TANC1: variants seen among roughly 807,000 people sequenced by gnomAD.
The protein encoded by TANC1 is tetratricopeptide repeat, ankyrin repeat and coiled-coil containing 1, also known as protein TANC1.
A neutral mutation model predicts 149.7 loss-of-function variants in TANC1; 77 were observed. The observed-to-expected ratio is 0.51, with a 90% confidence interval of 0.43 to 0.62. The LOEUF is 0.62. Ranked by LOEUF, TANC1 falls within the 20% of genes least tolerant of loss-of-function variation. The probability of loss-of-function intolerance (pLI) is 0.00; values close to 1 mark genes in which losing one functional copy is unlikely to be tolerated. For synonymous variants in TANC1, 854 were observed against 925.0 expected (o/e 0.92, Z 1.39); for missense variants, 1,985 against 2,321.8 (o/e 0.85, Z 2.98).
At chr2:159,089,254 G>C (rs1574581571) in intron 3 of TANC1, among the ~76,000 whole-genome samples, 1 of 152,180 alleles carries the variant, frequency 6.6e-6, no homozygotes, top group African/African-American at 2.4e-5. Context: ...TCCTTTTCTG[G>C]CAGTCTCTTC....
intron 7 of TANC1, among the ~76,000 whole-genome samples, chr2:159,163,007 TA>T (rs2054199222): frequency 6.6e-6 from 1 of 152,264 alleles, no homozygotes; most frequent in East Asian, 1.9e-4. Flanking sequence ...ATTTTACTCT[TA>T]ACTCTGATAC....
chr2:159,146,987 G>C (rs2052195464), intron 5 of TANC1, among the ~76,000 whole-genome samples: 1 of 152,146 alleles, frequency 6.6e-6, no homozygotes, highest in Non-Finnish European at 1.5e-5. Context: ...TGCAGACACA[G>C]TGTGGAGGCA....
intron 4 of TANC1, among the ~76,000 whole-genome samples, chr2:159,101,033 T>C (rs264637): frequency 0.96 from 146,887 of 152,266 alleles, 70,942 homozygotes; most frequent in East Asian, 1. Flanking sequence ...CCTTCCACGC[T>C]GGCCCCACAG....
At chr2:159,121,390 A>G (rs897342976) in intron 4 of TANC1, among the ~76,000 whole-genome samples, 30 of 151,782 alleles carry the variant, frequency 2.0e-4, no homozygotes, top group African/African-American at 7.0e-4. Context: ...CTGGAGTGCA[A>G]TGGTGCAATC....
At position 159,207,697 on chromosome 2, in the gene TANC1, C is replaced by CAAAAAAAAAAAAAAAAAAAAAA. The variant is rs10603858; in HGVS notation, c.3244+8653_3244+8674dup. ...CTGGGCGACTGAGCAACACGTGTCTCAAAAAAAAAAAAAAAAAAAAAAAAA... is the reference window on the plus strand; with the variant it reads ...CTGGGCGACTGAGCAACACGTGTCTCAAAAAAAAAAAAAAAAAAAAAAAAAAAAAAAAAAAAAAAAAAAAAAA... On this transcript the variant is annotated intron_variant, in intron 19 of 26. Transcript: ENST00000263635. Among the ~76,000 whole-genome samples the CAAAAAAAAAAAAAAAAAAAAAA allele has an allele frequency of 7.1e-4, 35 of 49,432 alleles. 1 individual carries two copies. Among genetic ancestry groups the CAAAAAAAAAAAAAAAAAAAAAA allele is most frequent in the Non-Finnish European group, 9.3e-4 (31 of 33,188 alleles). 32.4% of individuals were successfully genotyped at this position (49,432 alleles called of 152,430 possible). A position where few individuals can be genotyped will look rare whatever the true frequency, so the allele number is the denominator to read the frequency against.
At chr2:159,112,519 G>A (rs1024194236) in intron 4 of TANC1, among the ~76,000 whole-genome samples, 1 of 150,374 alleles carries the variant, frequency 6.7e-6, no homozygotes, top group African/African-American at 2.4e-5. Flanking sequence ...GCCTCACAAA[G>A]TGCTGAGATT....
chr2:159,077,499 C>G (rs900802901), intron 3 of TANC1, among the ~76,000 whole-genome samples: 1 of 152,198 alleles, frequency 6.6e-6, no homozygotes, highest in African/African-American at 2.4e-5. Context: ...AAGATATTTT[C>G]TGTGCTTCTG....
intron 3 of TANC1, among the ~76,000 whole-genome samples, chr2:159,078,674 T>G (rs559195861): frequency 6.6e-6 from 1 of 152,298 alleles, no homozygotes; most frequent in Admixed American, 6.5e-5. Flanking sequence ...CTCCATCCAT[T>G]AAATTGTTAC....
intron 3 of TANC1, among the ~76,000 whole-genome samples, chr2:159,080,648 T>G (rs996957443): frequency 1.3e-5 from 2 of 152,206 alleles, no homozygotes; most frequent in Non-Finnish European, 2.9e-5. Flanking sequence ...GATAGACTGG[T>G]TCCCCAAAGG....
chr2:159,067,217 C>T (rs541059958), intron 3 of TANC1, among the ~76,000 whole-genome samples: 203 of 152,266 alleles, frequency 1.3e-3, no homozygotes, highest in African/African-American at 4.2e-3. Context: ...GGATTTCTAA[C>T]GTTTTTGGTT....
At chr2:159,083,034 C>A (rs981835937) in intron 3 of TANC1, among the ~76,000 whole-genome samples, 1 of 152,182 alleles carries the variant, frequency 6.6e-6, no homozygotes, top group African/African-American at 2.4e-5. Context: ...CAACCTCCAC[C>A]ACCTGGGTTC....
At chr2:159,085,795 A>G (rs977149317) in intron 3 of TANC1, among the ~76,000 whole-genome samples, 1 of 152,134 alleles carries the variant, frequency 6.6e-6, no homozygotes, top group Non-Finnish European at 1.5e-5. Context: ...CCCGTGACCC[A>G]ACACCTCTCA....
chr2:159,181,259 CA>C (rs1009497012), intron 14 of TANC1, among the ~76,000 whole-genome samples: 1 of 151,354 alleles, frequency 6.6e-6, no homozygotes, highest in Non-Finnish European at 1.5e-5. Flanking sequence ...TCCTAGGAGG[CA>C]AATTATTATG....
At chr2:159,215,332 G>A (rs898002308) in intron 19 of TANC1, among the ~76,000 whole-genome samples, 1 of 152,206 alleles carries the variant, frequency 6.6e-6, no homozygotes, top group African/African-American at 2.4e-5. Flanking sequence ...ATGGCCCTAA[G>A]GACAGTCGGT....
At chr2:159,193,459 A>G (rs13392364) in intron 16 of TANC1, among the ~76,000 whole-genome samples, 36,962 of 152,108 alleles carry the variant, frequency 0.24, 4,733 homozygotes, top group Middle Eastern at 0.31. Context: ...CCTGCTTTCA[A>G]TTCTTTTGAA....
At chr2:159,029,410 T>C (rs2039605958) in intron 2 of TANC1, among the ~76,000 whole-genome samples, 1 of 152,188 alleles carries the variant, frequency 6.6e-6, no homozygotes, top group Non-Finnish European at 1.5e-5. Flanking sequence ...TAAAGGTTTG[T>C]AATATGGAAC....
intron 18 of TANC1, 147 bp from the exon 19 acceptor site, chr2:159,198,828 T>G (rs972369466): frequency 8.9e-6 from 5 of 559,334 alleles, no homozygotes; most frequent in East Asian, 3.0e-5. Context: ...TGAATTATGC[T>G]TGAAAACAGT....
intron 4 of TANC1, among the ~76,000 whole-genome samples, chr2:159,133,414 G>A (rs1021822347): frequency 6.6e-6 from 1 of 150,900 alleles, no homozygotes; most frequent in Admixed American, 6.6e-5. Context: ...GAGCACAGTG[G>A]TGCAATCACG....
intron 18 of TANC1, among the ~76,000 whole-genome samples, chr2:159,198,533 T>G (rs1401880436): frequency 6.6e-6 from 1 of 152,244 alleles, no homozygotes; most frequent in Non-Finnish European, 1.5e-5. Context: ...GGAAAAAGAA[T>G]AATGCTACCA....
Sources: allele counts gnomAD v4.1 joint callset (sites outside exome capture counted in the v4.1 genomes callset), GRCh38; gene constraint gnomAD v4.1.1; transcripts MANE v1.5; gene names NCBI Gene and HGNC (gene_info 2026-07-23, HGNC 2026-07-21).